The following TTN variants were observed in gnomAD, a reference collection of about 807,000 sequenced individuals.
TTN encodes the protein titin, also known as connectin.
Under a neutral mutation model 3,223.0 loss-of-function variants are expected in TTN, and 1,525 were observed. That is an observed-to-expected ratio of 0.47 (90% CI 0.45 to 0.49). The LOEUF (loss-of-function observed/expected upper bound fraction) is 0.49. Among genes scored for constraint, TTN ranks in the 20% least tolerant of loss-of-function variants. The pLI is 0.00. For missense variants in TTN, 40,786 were observed against 43,424.0 expected, an observed-to-expected ratio of 0.94 and a Z score of 5.40; for synonymous variants, 14,094 against 15,161.0, an observed-to-expected ratio of 0.93 and a Z score of 5.17.
chr2:178,712,483 T>C lies in TTN; in HGVS notation c.27439A>G (p.Lys9147Glu). 6.2e-6 allele frequency: 10 copies of C among 1,613,844 alleles called. No individual in the cohort carries two copies. Among genetic ancestry groups the C allele is most frequent in the Non-Finnish European group, 8.5e-6 (10 of 1,179,822 alleles). The change falls in exon 95 of 363, where the codon AAA becomes GAA. Residue 9147 changes from lysine to glutamate, a missense_variant. Coordinates refer to ENST00000589042, the MANE Select transcript of TTN (RefSeq NM_001267550.2). ...GAAGGAGTTACATTTATGCCATTTT[T>C]CTTCCAGGTAACCGAAATGGGAGGA... ...GTPPISVTWKKNGINVTPSQR... is the reference protein window; with the variant it reads ...GTPPISVTWKENGINVTPSQR...
rs776204878 is a variant in TTN, at chr2:178,692,881, G to GTTT, written c.31595-304_31595-302dup. Among the ~76,000 whole-genome samples the GTTT allele has an allele frequency of 1.8e-3, 265 of 146,328 alleles. 3 individuals carry two copies. The South Asian group carries it at 0.025, about 14-fold the overall frequency. On this transcript the variant is annotated intron_variant, in intron 119 of 362. Transcript: ENST00000589042. ...ATGAACATCGATAACTATGAAGTTA[G>GTTT]TTTTTTTTTTTGTAACCTTTACTTT...
rs747894424 is a variant in TTN at position 178,771,352 on chromosome 2, G to C, written c.7975C>G (p.Leu2659Val). 2.2e-5 allele frequency: 35 copies of C among 1,614,030 alleles called. No homozygotes were observed. In the South Asian group the frequency reaches 3.5e-4, roughly 16 times the overall value. The part of the protein sequence containing the change: ...KGEWLRDGKH[L>V]PLTNNIRSES... ...CTTCTGATGTTGTTAGTCAGTGGTA[G>C]GTGTTTGCCATCCCTCAACCATTCG... is the stretch of plus-strand genomic sequence containing the variant. The change falls in exon 34 of 363, where the codon CTA becomes GTA. Residue 2659 changes from leucine to valine, a missense_variant. Physicochemically the swap from Leu to Val is conservative, Grantham distance 32 (BLOSUM62 1). Transcript: ENST00000589042.
chr2:178,531,759 C>G lies in TTN; in HGVS notation c.104856G>C (p.Arg34952Ser), dbSNP rs765379292. 2 of 1,613,970 alleles carry G rather than the reference C, an allele frequency of 1.2e-6. No homozygotes were observed. Among genetic ancestry groups the G allele is most frequent in the Non-Finnish European group, 8.5e-7 (1 of 1,179,876 alleles). ...PRITLRMRSH[R>S]VPCGQNTRFI... ...AACGTGTATTTTGGCCACATGGTACCCTGTGCGAGCGCATTCTCAGTGTGA... is the reference window on the plus strand; with the variant it reads ...AACGTGTATTTTGGCCACATGGTACGCTGTGCGAGCGCATTCTCAGTGTGA... Residue 34952 changes from arginine to serine, a missense_variant, in exon 358 of 363, where the codon AGG becomes AGC. Arg to Ser is a moderately radical substitution (Grantham distance 110). Coordinates refer to ENST00000589042, the MANE Select transcript of TTN (RefSeq NM_001267550.2).
chr2:178,724,333 A>G lies in TTN; in HGVS notation c.21042T>C (p.Asp7014=). ...SLRILSVERQ[D]AGTYTFQVQN... is the part of the protein sequence containing the mutation. ...GAACCTGGAAAGTGTATGTGCCTGC[A>G]TCTTGCCTTTCAACTGAGAGAATCC... The change falls in exon 72 of 363, where the codon GAT becomes GAC. Residue 7014 remains aspartate (D), a synonymous_variant. Transcript: ENST00000589042. 6.2e-7 allele frequency: 1 copy of G among 1,613,618 alleles called. No homozygotes were observed.
rs879230654 is a variant in TTN, at chr2:178,586,650, C to A, written c.64251G>T (p.Glu21417Asp). The change falls in exon 308 of 363, where the codon GAG (glutamate) becomes GAT (aspartate). Residue 21417 changes from glutamate to aspartate, a missense_variant. Transcript: ENST00000589042. Reference sequence around the variant, plus strand: ...GGCTCAGATCTTTTACCACTGAGTACTCTGTCCAGCGATCTGCAGGCTGCT... The same window carrying A: ...GGCTCAGATCTTTTACCACTGAGTAATCTGTCCAGCGATCTGCAGGCTGCT... Reference protein sequence around the residue: ...EEEQPADRWTEYSVVKDLSLV... With the variant: ...EEEQPADRWTDYSVVKDLSLV... 2.5e-6 allele frequency: 4 copies of A among 1,613,166 alleles called. No individual in the cohort carries two copies. The highest frequency in any genetic ancestry group is 3.4e-6 in the Non-Finnish European group (4 of 1,179,404).
At chr2:178,605,867 C>T (rs975038455) in intron 278 of TTN, among the ~76,000 whole-genome samples, 154 bp from the exon 279 acceptor site, 5 of 151,874 alleles carry the variant, frequency 3.3e-5, no homozygotes, top group African/African-American at 1.2e-4. Context: ...TGTCAGTTGC[C>T]AAAATTATAG....
rs2068808343 is a variant in TTN at position 178,679,386 on chromosome 2, T to C, written c.33695A>G (p.Lys11232Arg). ...VPEVPKKPEEKVPVLIPKKEK... is the reference protein window; with the variant it reads ...VPEVPKKPEERVPVLIPKKEK... Reference sequence around the variant, plus strand: ...CTTTTTAGGAATAAGCACAGGAACTTTCTCCTCTGGCTTCTTAGGAACCTC... The same window carrying C: ...CTTTTTAGGAATAAGCACAGGAACTCTCTCCTCTGGCTTCTTAGGAACCTC... The change falls in exon 142 of 363, where the codon AAA becomes AGA. Residue 11232 changes from lysine (K) to arginine (R), a missense_variant. Physicochemically the swap from Lys to Arg is conservative, Grantham distance 26. Coordinates refer to ENST00000589042, the MANE Select transcript of TTN (RefSeq NM_001267550.2). 1 of 1,612,684 alleles carries C rather than the reference T, an allele frequency of 6.2e-7. No individual in the cohort carries two copies. The highest frequency in any genetic ancestry group is 1.3e-5 in the African/African-American group (1 of 74,826).
intron 159 of TTN, among the ~76,000 whole-genome samples, chr2:178,668,733 C>CAAAAAA (rs1372370526): frequency 1.6e-5 from 1 of 61,856 alleles, no homozygotes. Context: ...GATTCCATCT[C>CAAAAAA]AAAAAAAAAA....
rs748467010 is a variant in TTN, at chr2:178,536,545, A to G, written c.100202T>C (p.Ile33401Thr). ...ACAAGAATCTTTTGTGACAGCAGTAATAGTTGGTTTGCCAGGAGCACCTGG... is the reference window on the plus strand; with the variant it reads ...ACAAGAATCTTTTGTGACAGCAGTAGTAGTTGGTTTGCCAGGAGCACCTGG... The part of the protein sequence containing the change: ...EKPGAPGKPT[I>T]TAVTKDSCVV... Residue 33401 changes from isoleucine to threonine, a missense_variant, in exon 357 of 363, where the codon ATT becomes ACT. Physicochemically the swap from Ile to Thr is moderately conservative, Grantham distance 89. Transcript: ENST00000589042. The G allele has an allele frequency of 6.6e-7, 1 of 1,510,390 alleles. No homozygotes were observed. The allele number at this position is 1,510,390 out of a possible 1,614,324, so 93.6% of individuals were successfully genotyped here. A position where few individuals can be genotyped will look rare whatever the true frequency, so the allele number is the denominator to read the frequency against.
At position 178,721,019 on chromosome 2, in the gene TTN, G is replaced by C. The variant is rs374430623; in HGVS notation, c.23000C>G (p.Thr7667Arg). ...MSFINSVALL[T>R]INEASAEDSG... is the part of the protein sequence containing the mutation. ...GTCTTCAGCACTAGCTTCATTGATC[G>C]TAAGCAATGCCACAGAATTAATGAA... is the stretch of plus-strand genomic sequence containing the variant. The change falls in exon 79 of 363, where the codon ACG becomes AGG. Residue 7667 changes from threonine (T) to arginine (R), a missense_variant. Coordinates refer to ENST00000589042, the MANE Select transcript of TTN (RefSeq NM_001267550.2). 7 of 1,613,088 alleles carry C rather than the reference G, an allele frequency of 4.3e-6. No individual in the cohort carries two copies. The South Asian group carries it at 4.4e-5, about 10-fold the overall frequency.
chr2:178,703,312 T>C (rs1015620637), intron 106 of TTN, among the ~76,000 whole-genome samples: 2 of 152,266 alleles, frequency 1.3e-5, no homozygotes, highest in Non-Finnish European at 2.9e-5. Flanking sequence ...TCTGGTGAGC[T>C]CTATTTACTA....
intron 34 of TTN, 142 bp downstream of exon 34, chr2:178,771,069 C>T (rs960766002): frequency 7.4e-7 from 1 of 1,356,016 alleles, no homozygotes; most frequent in Non-Finnish European, 1.0e-6. Context: ...TGGAATGTGT[C>T]TCAGGAAGGT....
rs769035250 is a variant in TTN at position 178,609,772 on chromosome 2, C to T, written c.51651G>A (p.Glu17217=). 6.2e-7 allele frequency: 1 copy of T among 1,612,860 alleles called. No individual in the cohort carries two copies. Among genetic ancestry groups the T allele is most frequent in the Non-Finnish European group, 8.5e-7 (1 of 1,179,220 alleles). ...YTAKGLEEGK[E]YQFRVRAENA... Reference sequence around the variant, plus strand: ...TCTCTGCTCGCACACGGAATTGGTACTCTTTCCCCTCTTCAAGTCCTTTTG... The same window carrying T: ...TCTCTGCTCGCACACGGAATTGGTATTCTTTCCCCTCTTCAAGTCCTTTTG... Residue 17217 remains glutamate, a synonymous_variant, in exon 272 of 363, where the codon GAG becomes GAA. Transcript: ENST00000589042.
intron 307 of TTN, 26 bp from the exon 308 acceptor site, chr2:178,586,833 A>C: frequency 1.2e-6 from 2 of 1,601,116 alleles, no homozygotes; most frequent in Non-Finnish European, 1.7e-6. Flanking sequence ...AATTTAGAAG[A>C]TTACCTAGGT....
chr2:178,583,981 C>A (rs770653503), intron 311 of TTN, 75 bp from the exon 312 acceptor site: 3 of 1,386,020 alleles, frequency 2.2e-6, no homozygotes, highest in Non-Finnish European at 2.9e-6. Context: ...ACATTATCAT[C>A]CCTGCTGCTA....
At position 178,584,767 on chromosome 2, in the gene TTN, A is replaced by T; in HGVS notation, c.64874T>A (p.Ile21625Asn). 1.9e-6 allele frequency: 3 copies of T among 1,613,446 alleles called. No homozygotes were observed. Among genetic ancestry groups the T allele is most frequent in the Non-Finnish European group, 2.5e-6 (3 of 1,179,570 alleles). ...TKTSCRVGKL[I>N]PGQEYIFRVR... ...CCGGAAGATGTACTCCTGGCCTGGG[A>T]TCAGCTTTCCAACCCTGCAGGAAGT... Residue 21625 changes from isoleucine to asparagine, a missense_variant, in exon 310 of 363, where the codon ATC becomes AAC. Coordinates refer to ENST00000589042, the MANE Select transcript of TTN (RefSeq NM_001267550.2).
Position 178,782,573 on chromosome 2 carries a change from C to A in TTN, c.3130G>T (p.Ala1044Ser), listed in dbSNP as rs746365549. ...TCTGTAGTAAATTTCTCAGTCACGG[C>A]TGTGGTTTCCTTTTCAAATTCTTCT... is the stretch of plus-strand genomic sequence containing the variant. Reference protein sequence around the residue: ...VSEEFEKETTAVTEKFTTEEK... With the variant: ...VSEEFEKETTSVTEKFTTEEK... The change falls in exon 19 of 363, where the codon GCC becomes TCC. Residue 1044 changes from alanine to serine, a missense_variant. Physicochemically the swap from Ala to Ser is moderately conservative, Grantham distance 99 (BLOSUM62 1). Coordinates refer to ENST00000589042, the MANE Select transcript of TTN (RefSeq NM_001267550.2). 4 of 1,613,840 alleles carry A rather than the reference C, an allele frequency of 2.5e-6. No individual in the cohort carries two copies. The African/African-American group carries it at 5.3e-5, about 22-fold the overall frequency.
chr2:178,577,530 T>G lies in TTN; in HGVS notation c.68825-20A>C, dbSNP rs1417155622. 2 of 1,554,992 alleles carry G rather than the reference T, an allele frequency of 1.3e-6. No individual in the cohort carries two copies. Among genetic ancestry groups the G allele is most frequent in the East Asian group, 2.3e-5 (1 of 44,116 alleles). Reference sequence around the variant, plus strand: ...GTGCCTCTGCAAAGAAAAAAATACATTTTAATCAGAAAAGGAAGGAGGCTT... The same window carrying G: ...GTGCCTCTGCAAAGAAAAAAATACAGTTTAATCAGAAAAGGAAGGAGGCTT... On this transcript the variant is annotated intron_variant, in intron 323 of 362. Transcript: ENST00000589042.
chr2:178,600,855 T>A lies in TTN; in HGVS notation c.56049A>T (p.Thr18683=). ...CTTTGTCAGTACATTGGTACTTACA[T>A]GTCTGGTCTTTGACAGTCACAGGGC... ...TVGPVTVKDQ[T]CPPSIDLKEF... is the part of the protein sequence containing the mutation. The change falls in exon 288 of 363, where the codon ACA becomes ACT. Residue 18683 remains threonine (T), a splice_region_variant and synonymous_variant. Coordinates refer to ENST00000589042, the MANE Select transcript of TTN (RefSeq NM_001267550.2). 2 of 1,612,830 alleles carry A rather than the reference T, an allele frequency of 1.2e-6. No homozygotes were observed. The highest frequency in any genetic ancestry group is 1.7e-6 in the Non-Finnish European group (2 of 1,179,162).
Sources: gnomAD v4.1 joint callset for allele counts (sites outside exome capture counted in the v4.1 genomes callset) on GRCh38, gnomAD v4.1.1 for gene constraint, MANE v1.5 for transcripts, NCBI Gene and HGNC (gene_info 2026-07-23, HGNC 2026-07-21) for gene names.